The following CDH23 variants were observed in gnomAD, a reference collection of about 807,000 sequenced individuals.
CDH23 encodes cadherin-23.
In CDH23, 189 loss-of-function variants were observed where a neutral mutation model predicts 317.1. The observed-to-expected ratio is 0.60, with a 90% confidence interval of 0.53 to 0.67. CDH23 has a LOEUF of 0.67. Ranked by LOEUF, CDH23 falls within the 30% of genes least tolerant of loss-of-function variation. The probability of loss-of-function intolerance (pLI) is 0.00; values close to 1 mark genes in which losing one functional copy is unlikely to be tolerated. For missense variants in CDH23, 4,401 were observed against 4,592.4 expected, an observed-to-expected ratio of 0.96 and a Z score of 1.20; for synonymous variants, 1,839 against 1,876.8, an observed-to-expected ratio of 0.98 and a Z score of 0.52.
intron 53 of CDH23, among the ~76,000 whole-genome samples, chr10:71,801,893 C>T (rs912682794): frequency 2.6e-5 from 4 of 152,190 alleles, no homozygotes; most frequent in Non-Finnish European, 5.9e-5. Context: ...GAGCACACTG[C>T]CTTTGTCAGT....
chr10:71,580,837 G>A (rs1055240170), intron 9 of CDH23, among the ~76,000 whole-genome samples: 1 of 152,068 alleles, frequency 6.6e-6, no homozygotes, highest in Non-Finnish European at 1.5e-5. Context: ...TGGCTCAACA[G>A]GGCTGCCCCC....
intron 38 of CDH23, among the ~76,000 whole-genome samples, chr10:71,757,058 G>A (rs1327451810): frequency 6.6e-6 from 1 of 152,194 alleles, no homozygotes; most frequent in Non-Finnish European, 1.5e-5. Flanking sequence ...ATTTTGACGT[G>A]GAATATTGAA....
At chr10:71,773,933 T>C (rs796127256) in intron 38 of CDH23, among the ~76,000 whole-genome samples, 2 of 152,030 alleles carry the variant, frequency 1.3e-5, no homozygotes, top group African/African-American at 4.8e-5. Flanking sequence ...CTCCCAGCTG[T>C]GGAATGAGTG....
At chr10:71,600,288 G>A (rs181885547) in intron 9 of CDH23, among the ~76,000 whole-genome samples, 15 of 150,752 alleles carry the variant, frequency 1.0e-4, no homozygotes, top group Admixed American at 3.9e-4. Flanking sequence ...AGGCGTGAGC[G>A]ACCGTACCCG....
chr10:71,617,066 C>T, intron 10 of CDH23, 139 bp from the exon 11 acceptor site: 1 of 1,160,170 alleles, frequency 8.6e-7, no homozygotes, highest in Non-Finnish European at 1.2e-6. Flanking sequence ...TAAAATCCTC[C>T]TCCTGGAGTT....
At chr10:71,764,651 C>A (rs528993736) in intron 38 of CDH23, among the ~76,000 whole-genome samples, 18 of 152,282 alleles carry the variant, frequency 1.2e-4, no homozygotes, top group Admixed American at 6.5e-4. Context: ...CACTCCAGTT[C>A]GCCAGAGTCC....
intron 1 of CDH23, among the ~76,000 whole-genome samples, chr10:71,399,023 G>GTGA (rs1276852315): frequency 5.9e-5 from 9 of 152,204 alleles, no homozygotes; most frequent in Non-Finnish European, 1.3e-4. Flanking sequence ...TTTGAGGGTT[G>GTGA]TGATAGCAGA....
chr10:71,712,537 C>G (rs1866015964), intron 27 of CDH23, 128 bp from the exon 28 acceptor site: 2 of 1,014,160 alleles, frequency 2.0e-6, no homozygotes, highest in African/African-American at 1.6e-5. Flanking sequence ...TCACCCCTTG[C>G]AAAGGCTAGG....
rs1841872083 is a variant in CDH23, at chr10:71,810,081, C to T, written c.8979+5C>T. 1 of 1,609,682 alleles carries T rather than the reference C, an allele frequency of 6.2e-7. No individual in the cohort carries two copies. The highest frequency in any genetic ancestry group is 1.3e-5 in the African/African-American group (1 of 75,004). On this transcript the variant is annotated splice_donor_5th_base_variant and intron_variant, in intron 61 of 69. Coordinates refer to ENST00000224721, the MANE Select transcript of CDH23 (RefSeq NM_022124.6). ...GTCAATACTGACAATGTGCAGGTGC[C>T]TCATGGGCCCACCCGGGGCCGGGGC...
chr10:71,545,754 G>T (rs942986259), intron 6 of CDH23, among the ~76,000 whole-genome samples: 3 of 152,138 alleles, frequency 2.0e-5, no homozygotes, highest in Non-Finnish European at 2.9e-5. Context: ...AAATAAAGCA[G>T]GCAAGTGGCT....
chr10:71,707,540 G>A, intron 26 of CDH23: 3 of 1,034,022 alleles, frequency 2.9e-6, no homozygotes, highest in Non-Finnish European at 2.3e-6. Context: ...GCAGAGCTGT[G>A]GCCACAGATG....
In CDH23 at chr10:71,803,982, CA is replaced by C. The variant is rs35814351; in HGVS notation, c.7872+582del. 5.7e-3 allele frequency among the ~76,000 whole-genome samples: 751 copies of C among 130,644 alleles called. 4 individuals carry two copies. The highest frequency in any genetic ancestry group is 0.014 in the South Asian group (54 of 3,972). The allele number at this position is 130,644 out of a possible 152,430, so 85.7% of individuals were successfully genotyped here. On this transcript the variant is annotated intron_variant, in intron 55 of 69. Transcript: ENST00000224721. ...CCCGGGCAACAGAGTGAGACTTTGT[CA>C]AAAAAAAAAAAAAAAAAAATCTTTA...
intron 17 of CDH23, among the ~76,000 whole-genome samples, chr10:71,682,141 C>G (rs576611377): frequency 6.6e-6 from 1 of 152,262 alleles, no homozygotes; most frequent in Admixed American, 6.5e-5. Flanking sequence ...CATCTCCCCA[C>G]TCTGTTGAGA....
chr10:71,732,585 T>C, intron 32 of CDH23: 1 of 1,330,670 alleles, frequency 7.5e-7, no homozygotes, highest in Non-Finnish European at 1.0e-6. Flanking sequence ...GTGAGCTGCG[T>C]TTGCACCACT....
chr10:71,695,942 A>G (rs993256248), intron 22 of CDH23, among the ~76,000 whole-genome samples: 5 of 152,148 alleles, frequency 3.3e-5, no homozygotes, highest in African/African-American at 9.7e-5. Context: ...GCAGTCATCC[A>G]TCTGGGTCAC....
At chr10:71,738,882 G>A (rs1839654894) in intron 35 of CDH23, among the ~76,000 whole-genome samples, 1 of 152,390 alleles carries the variant, frequency 6.6e-6, no homozygotes, top group South Asian at 2.1e-4. Flanking sequence ...GCCAGCCAAG[G>A]CGCAACCCCT....
intron 2 of CDH23, among the ~76,000 whole-genome samples, chr10:71,441,924 G>T (rs531642384): frequency 7.4e-4 from 112 of 152,286 alleles, no homozygotes; most frequent in African/African-American, 2.6e-3. Flanking sequence ...CAGCTAAGGG[G>T]TCCCTTGGGC....
intron 3 of CDH23, among the ~76,000 whole-genome samples, chr10:71,485,479 C>T (rs1435467643): frequency 2.6e-5 from 4 of 152,228 alleles, no homozygotes; most frequent in Non-Finnish European, 4.4e-5. Flanking sequence ...GCCATGTCTG[C>T]GACATTCCAG....
chr10:71,521,946 A>G (rs1854715525), intron 6 of CDH23, among the ~76,000 whole-genome samples: 1 of 152,102 alleles, frequency 6.6e-6, no homozygotes, highest in African/African-American at 2.4e-5. Flanking sequence ...GCACAGTAAG[A>G]CAAGTGCAGC....
Sources: allele counts gnomAD v4.1 joint callset (sites outside exome capture counted in the v4.1 genomes callset), GRCh38; gene constraint gnomAD v4.1.1; transcripts MANE v1.5; gene names NCBI Gene and HGNC (gene_info 2026-07-23, HGNC 2026-07-21).